Variants in ARHGEF15 observed in about 807,000 individuals in gnomAD.
ARHGEF15 encodes the protein Rho guanine nucleotide exchange factor 15.
A neutral mutation model predicts 79.7 loss-of-function variants in ARHGEF15; 58 were observed. That is an observed-to-expected ratio of 0.73 (90% CI 0.59 to 0.91). The LOEUF (loss-of-function observed/expected upper bound fraction) is 0.91, where lower values mean the gene tolerates loss of function less well. Ranked by LOEUF, ARHGEF15 falls within the 40% of genes least tolerant of loss-of-function variation. The pLI, the probability that ARHGEF15 is intolerant of heterozygous loss-of-function variation, is 0.00. For missense variants in ARHGEF15, 1,012 were observed against 1,108.1 expected (o/e 0.91, Z 1.23); for synonymous variants, 442 against 456.0 (o/e 0.97, Z 0.39).
In ARHGEF15 at chr17:8,311,992, G is replaced by A; in HGVS notation, c.-48G>A. On this transcript the variant is annotated splice_region_variant and 5_prime_UTR_variant, in exon 2 of 16. Coordinates refer to ENST00000361926, the MANE Select transcript of ARHGEF15 (RefSeq NM_173728.4). Reference sequence around the variant, plus strand: ...TCTCTTTCCCTCCCTCCTCCTCAGGGGATGACTCCAGCAGAGCACCTCACT... The same window carrying A: ...TCTCTTTCCCTCCCTCCTCCTCAGGAGATGACTCCAGCAGAGCACCTCACT... 6.8e-7 allele frequency: 1 copy of A among 1,477,878 alleles called. No homozygotes were observed. The highest frequency in any genetic ancestry group is 9.0e-7 in the Non-Finnish European group (1 of 1,114,094). The allele number at this position is 1,477,878 out of a possible 1,614,324, so 91.5% of individuals were successfully genotyped here.
intron 13 of ARHGEF15, 38 bp downstream of exon 13, chr17:8,319,197 C>G: frequency 6.2e-7 from 1 of 1,609,744 alleles, no homozygotes; most frequent in Non-Finnish European, 8.5e-7. Flanking sequence ...CCTTGGGACA[C>G]TTATCTGACC....
chr17:8,316,487 G>C (rs1253222078), intron 9 of ARHGEF15, among the ~76,000 whole-genome samples: 2 of 152,242 alleles, frequency 1.3e-5, no homozygotes, highest in Admixed American at 6.5e-5. Context: ...GAGTGTGTGA[G>C]CGGTTTTTGA....
At position 8,315,719 on chromosome 17, in the gene ARHGEF15, G is replaced by C. The variant is rs1904977079; in HGVS notation, c.1422-36G>C. On this transcript the variant is annotated intron_variant, in intron 7 of 15. Coordinates refer to ENST00000361926, the MANE Select transcript of ARHGEF15 (RefSeq NM_173728.4). This position sits in a 1 kb window ranked among gnomAD's most constrained non-coding sequence, Gnocchi z 4.3. ...AAGAACCCGGGAGACCTGGCTCTCTGCCCCGCCCCATTGCTTGCTTCCCCA... is the reference window on the plus strand; with the variant it reads ...AAGAACCCGGGAGACCTGGCTCTCTCCCCCGCCCCATTGCTTGCTTCCCCA... 7 of 1,604,452 alleles carry C rather than the reference G, an allele frequency of 4.4e-6. No individual in the cohort carries two copies. The highest frequency in any genetic ancestry group is 6.0e-6 in the Non-Finnish European group (7 of 1,174,948).
At chr17:8,311,890 C>T in intron 1 of ARHGEF15, 101 bp from the exon 2 acceptor site, 1 of 723,742 alleles carries the variant, frequency 1.4e-6, no homozygotes, top group African/African-American at 1.8e-5. Flanking sequence ...ACCCCCACAC[C>T]AGCCTTCCCT....
At chr17:8,313,372 C>G in intron 3 of ARHGEF15, 118 bp downstream of exon 3, 1 of 1,490,450 alleles carries the variant, frequency 6.7e-7, no homozygotes, top group Non-Finnish European at 9.1e-7. Context: ...GCTTCCCCAC[C>G]AGCTGCTGCT....
intron 2 of ARHGEF15, 108 bp from the exon 3 acceptor site, chr17:8,312,814 C>T (rs1478334189): frequency 4.5e-6 from 7 of 1,556,850 alleles, no homozygotes; most frequent in Non-Finnish European, 6.1e-6. Context: ...CTATAGATGC[C>T]TGGACCTTGA....
chr17:8,321,049 G>C lies in ARHGEF15; in HGVS notation c.*56G>C, dbSNP rs1223902673. On this transcript the variant is annotated 3_prime_UTR_variant, in exon 16 of 16. Transcript: ENST00000361926. ...GACACCTACCAGTGTGGCACGGAGA[G>C]AACAAAGCCCATTCATCCATTGGAT... 6 of 1,598,360 alleles carry C rather than the reference G, an allele frequency of 3.8e-6. No individual in the cohort carries two copies. Among genetic ancestry groups the C allele is most frequent in the African/African-American group, 1.3e-5 (1 of 74,518 alleles).
rs1308038615 is a variant in ARHGEF15, at chr17:8,319,384, T to C, written c.2259T>C (p.Tyr753=). ...TTCCCTGCTCCCCAGACACCATCTA[T>C]GAGGACTGTGGTGAGTATCCCCCTA... ...GPLPCSPDTI[Y]EDCDCSQELC... The change falls in exon 14 of 16, where the codon TAT becomes TAC. Residue 753 remains tyrosine (Y), a synonymous_variant. Transcript: ENST00000361926. 1.2e-6 allele frequency: 2 copies of C among 1,613,656 alleles called. No individual in the cohort carries two copies. Among genetic ancestry groups the C allele is most frequent in the East Asian group, 2.2e-5 (1 of 44,868 alleles).
At chr17:8,311,058 C>T (rs1904578434) in intron 1 of ARHGEF15, among the ~76,000 whole-genome samples, 1 of 143,676 alleles carries the variant, frequency 7.0e-6, no homozygotes, top group Non-Finnish European at 1.5e-5. Context: ...AGCTGCAAGA[C>T]CCATCATCTA....
intron 4 of ARHGEF15, 117 bp downstream of exon 4, chr17:8,313,672 G>T: frequency 2.8e-6 from 3 of 1,080,072 alleles, no homozygotes; most frequent in Non-Finnish European, 4.0e-6. Context: ...GGGGACAAGG[G>T]CCAGGGCTCT....
chr17:8,316,929 T>C (rs962864774), intron 9 of ARHGEF15, among the ~76,000 whole-genome samples: 18 of 151,972 alleles, frequency 1.2e-4, no homozygotes, highest in African/African-American at 4.4e-4. Context: ...ATTACAGGTG[T>C]GGACTACCAT....
rs1407146246 is a variant in ARHGEF15, at chr17:8,311,884, C to G, written c.-49-107C>G. Reference sequence around the variant, plus strand: ...GAGTTTTATGGATTCTCTGGAACCCCCACACCAGCCTTCCCTCCTGACTTC... The same window carrying G: ...GAGTTTTATGGATTCTCTGGAACCCGCACACCAGCCTTCCCTCCTGACTTC... On this transcript the variant is annotated intron_variant, in intron 1 of 15. Transcript: ENST00000361926. 4 of 680,100 alleles carry G rather than the reference C, an allele frequency of 5.9e-6. No individual in the cohort carries two copies. In the East Asian group the frequency reaches 1.2e-4, roughly 20 times the overall value. 42.1% of individuals were successfully genotyped at this position (680,100 alleles called of 1,614,324 possible).
chr17:8,315,391 C>G lies in ARHGEF15; in HGVS notation c.1261-23C>G, dbSNP rs369762123. On this transcript the variant is annotated intron_variant, in intron 6 of 15. Transcript: ENST00000361926. The surrounding 1 kb of genome is among the most constrained non-coding windows in gnomAD (Gnocchi z 4.3). Reference sequence around the variant, plus strand: ...TTCCCACGGTGAACTGGGCTTCCCACGACTGCCTGCTTTTCTTTCTAGAGT... The same window carrying G: ...TTCCCACGGTGAACTGGGCTTCCCAGGACTGCCTGCTTTTCTTTCTAGAGT... 4.0e-5 allele frequency: 64 copies of G among 1,613,584 alleles called. No homozygotes were observed. The highest frequency in any genetic ancestry group is 3.1e-4 in the African/African-American group (23 of 74,862).
In ARHGEF15 at chr17:8,312,560, G is replaced by C. The variant is rs1443835154; in HGVS notation, c.521G>C (p.Gly174Ala). 2.5e-6 allele frequency: 4 copies of C among 1,608,764 alleles called. No individual in the cohort carries two copies. Among genetic ancestry groups the C allele is most frequent in the Non-Finnish European group, 3.4e-6 (4 of 1,177,082 alleles). ...RAQDADAPEP[G>A]LQARADVNGE... ...CAGGATGCAGATGCCCCGGAGCCAG[G>C]TCTCCAAGCGAGAGCAGATGTGAAT... The change falls in exon 2 of 16, where the codon GGT becomes GCT. Residue 174 changes from glycine to alanine, a missense_variant. Gly to Ala is a moderately conservative substitution (Grantham distance 60). Coordinates refer to ENST00000361926, the MANE Select transcript of ARHGEF15 (RefSeq NM_173728.4).
intron 2 of ARHGEF15, 85 bp downstream of exon 2, chr17:8,312,725 C>T (rs1485424625): frequency 1.2e-6 from 2 of 1,603,420 alleles, no homozygotes; most frequent in African/African-American, 1.3e-5. Flanking sequence ...CAGGGGCTAC[C>T]TTTTCAAAAA....
In ARHGEF15 at chr17:8,318,548, TG is replaced by T; in HGVS notation, c.1780-21del. 6.2e-7 allele frequency: 1 copy of T among 1,612,488 alleles called. No homozygotes were observed. The highest frequency in any genetic ancestry group is 8.5e-7 in the Non-Finnish European group (1 of 1,178,908). ...AGCAGGGGGCTGGCCGCTGGGGTGG[TG>T]ACACAGCTCCCCTTACCTAGATCAT... On this transcript the variant is annotated intron_variant, in intron 10 of 15. Coordinates refer to ENST00000361926, the MANE Select transcript of ARHGEF15 (RefSeq NM_173728.4). This position sits in a 1 kb window ranked among gnomAD's most constrained non-coding sequence, Gnocchi z 5.0.
chr17:8,313,613 G>A, intron 4 of ARHGEF15, 58 bp downstream of exon 4: 1 of 1,558,960 alleles, frequency 6.4e-7, no homozygotes, highest in South Asian at 1.2e-5. Context: ...TTCTACCTGA[G>A]GGCAGACTAA....
chr17:8,320,421 G>A lies in ARHGEF15; in HGVS notation c.2375-421G>A, dbSNP rs1451818799. ...GCTAATTTAGGCCCATGGTGTCTGG[G>A]GGAAGAGTGTCCCAGCTGGAGGCAG... On this transcript the variant is annotated intron_variant, in intron 15 of 15. Transcript: ENST00000361926. 2.6e-5 allele frequency among the ~76,000 whole-genome samples: 4 copies of A among 152,306 alleles called. No homozygotes were observed. In the East Asian group the frequency reaches 7.7e-4, roughly 29 times the overall value.
In ARHGEF15 at chr17:8,320,922, C is replaced by A. The variant is rs767125499; in HGVS notation, c.2455C>A (p.Leu819Ile). 6.2e-7 allele frequency: 1 copy of A among 1,614,000 alleles called. No individual in the cohort carries two copies. The highest frequency in any genetic ancestry group is 8.5e-7 in the Non-Finnish European group (1 of 1,179,934). The change falls in exon 16 of 16, where the codon CTT (leucine) becomes ATT (isoleucine). Residue 819 changes from leucine (L) to isoleucine (I), a missense_variant. Transcript: ENST00000361926. The part of the protein sequence containing the change: ...VTGEHERRRH[L>I]RQNQRLLEAV... The stretch of plus-strand genomic sequence containing the variant: ...AGGGGAACACGAAAGGAGGAGGCAC[C>A]TTCGCCAGAACCAGAGGCTTCTCGA...
Sources: gnomAD v4.1 joint callset for allele counts (sites outside exome capture counted in the v4.1 genomes callset) on GRCh38, gnomAD v4.1.1 for gene constraint, Gnocchi (gnomAD v3.1) non-coding constraint, MANE v1.5 for transcripts, NCBI Gene and HGNC (gene_info 2026-07-23, HGNC 2026-07-21) for gene names.